The following MIPOL1 variants were observed in gnomAD, a reference collection of about 807,000 sequenced individuals.
The protein encoded by MIPOL1 is mirror-image polydactyly gene 1 protein.
Under a neutral mutation model 60.9 loss-of-function variants are expected in MIPOL1, and 57 were observed. That is an observed-to-expected ratio of 0.94 (90% CI 0.76 to 1.17). The LOEUF (loss-of-function observed/expected upper bound fraction) is 1.17. MIPOL1 is among the 50% of genes most tolerant of loss of function. MIPOL1 has a pLI of 0.00. For missense variants in MIPOL1, 551 were observed against 511.6 expected, an observed-to-expected ratio of 1.08 and a Z score of -0.74; for synonymous variants, 179 against 168.8, an observed-to-expected ratio of 1.06 and a Z score of -0.47.
chr14:37,200,228 A>G (rs1010695815), intron 1 of MIPOL1, among the ~76,000 whole-genome samples: 22 of 152,254 alleles, frequency 1.4e-4, no homozygotes, highest in African/African-American at 5.1e-4. Flanking sequence ...TTTAGGTTGT[A>G]CAGGCTGTAC....
intron 3 of MIPOL1, among the ~76,000 whole-genome samples, chr14:37,248,772 A>G (rs1018438262): frequency 6.6e-6 from 1 of 152,186 alleles, no homozygotes; most frequent in Non-Finnish European, 1.5e-5. Context: ...ATATGCAGAC[A>G]GAGGAGAAAG....
intron 11 of MIPOL1, among the ~76,000 whole-genome samples, chr14:37,461,193 G>A (rs1033692020): frequency 6.6e-6 from 1 of 152,128 alleles, no homozygotes; most frequent in Non-Finnish European, 1.5e-5. Flanking sequence ...CTGAGACTGG[G>A]CAATTTACAA....
intron 10 of MIPOL1, among the ~76,000 whole-genome samples, chr14:37,404,990 TCTC>T (rs949622071): frequency 6.6e-6 from 1 of 152,192 alleles, no homozygotes; most frequent in African/African-American, 2.4e-5. Flanking sequence ...CTTTTTTCTC[TCTC>T]CTCACTTTTT....
At chr14:37,500,186 C>G in intron 12 of MIPOL1, 48 bp downstream of exon 12, 1 of 1,235,600 alleles carries the variant, frequency 8.1e-7, no homozygotes, top group Non-Finnish European at 1.1e-6. Flanking sequence ...TGAAACAAAA[C>G]AAAACACTTT....
chr14:37,448,723 G>T (rs1355394568), intron 11 of MIPOL1, among the ~76,000 whole-genome samples: 1 of 152,020 alleles, frequency 6.6e-6, no homozygotes, highest in Non-Finnish European at 1.5e-5. Context: ...AGAGTGCAAG[G>T]GGAAAGAAAG....
At chr14:37,412,481 A>C (rs2093695518) in intron 10 of MIPOL1, among the ~76,000 whole-genome samples, 1 of 152,172 alleles carries the variant, frequency 6.6e-6, no homozygotes, top group African/African-American at 2.4e-5. Context: ...CTGTACAGCA[A>C]TTATAATTGT....
chr14:37,367,034 A>C (rs1466037004), intron 9 of MIPOL1, among the ~76,000 whole-genome samples: 1 of 152,022 alleles, frequency 6.6e-6, no homozygotes, highest in Non-Finnish European at 1.5e-5. Context: ...CATTTTGACA[A>C]ATGAATTTGG....
chr14:37,453,035 T>G (rs972225331), intron 11 of MIPOL1, among the ~76,000 whole-genome samples: 2 of 152,166 alleles, frequency 1.3e-5, no homozygotes, highest in Non-Finnish European at 2.9e-5. Flanking sequence ...ATGAATGATG[T>G]TAGGATGTGC....
chr14:37,530,276 A>C (rs965802261), intron 12 of MIPOL1, among the ~76,000 whole-genome samples: 2 of 152,320 alleles, frequency 1.3e-5, no homozygotes, highest in Middle Eastern at 3.4e-3. Flanking sequence ...TTATTTCAAT[A>C]CTAAGAACTA....
chr14:37,526,904 G>A (rs1029387256), intron 12 of MIPOL1, among the ~76,000 whole-genome samples: 1 of 152,108 alleles, frequency 6.6e-6, no homozygotes, highest in African/African-American at 2.4e-5. Context: ...ATGTCTAAGA[G>A]AATGCTTATT....
chr14:37,330,158 T>C (rs1366751133), intron 9 of MIPOL1, among the ~76,000 whole-genome samples: 4 of 152,138 alleles, frequency 2.6e-5, no homozygotes, highest in Non-Finnish European at 5.9e-5. Flanking sequence ...AGTAATAAAA[T>C]ATTGTTCTAC....
chr14:37,234,193 C>T (rs993355209), intron 1 of MIPOL1, among the ~76,000 whole-genome samples: 1 of 152,056 alleles, frequency 6.6e-6, no homozygotes, highest in African/African-American at 2.4e-5. Context: ...TCCATTGAGA[C>T]GTCTGTGGTG....
At chr14:37,275,694 G>T (rs2083603013) in intron 6 of MIPOL1, among the ~76,000 whole-genome samples, 2 of 150,784 alleles carry the variant, frequency 1.3e-5, no homozygotes, top group South Asian at 2.1e-4. Flanking sequence ...TATTTAAATA[G>T]TGTTTTATAT....
At chr14:37,454,157 T>G (rs181610937) in intron 11 of MIPOL1, among the ~76,000 whole-genome samples, 19 of 152,348 alleles carry the variant, frequency 1.2e-4, no homozygotes, top group Admixed American at 1.0e-3. Context: ...TGCTGATTCA[T>G]GGAGTCGTGT....
At chr14:37,270,629 G>A (rs776085513) in intron 6 of MIPOL1, 104 bp downstream of exon 6, 6 of 482,186 alleles carry the variant, frequency 1.2e-5, no homozygotes, top group Admixed American at 5.0e-5. Context: ...TGCCAAAGGA[G>A]GGGAAGCTCT....
At chr14:37,448,821 T>A (rs2094376366) in intron 11 of MIPOL1, among the ~76,000 whole-genome samples, 1 of 152,194 alleles carries the variant, frequency 6.6e-6, no homozygotes, top group African/African-American at 2.4e-5. Context: ...TCGAAATCAG[T>A]ACTCTGCGGA....
chr14:37,270,889 C>T (rs183012704), intron 6 of MIPOL1, among the ~76,000 whole-genome samples: 79 of 151,960 alleles, frequency 5.2e-4, no homozygotes, highest in Non-Finnish European at 9.6e-4. Context: ...TGTTTTAGCT[C>T]GTTGAGAGGA....
intron 10 of MIPOL1, among the ~76,000 whole-genome samples, chr14:37,391,274 A>AG (rs748702681): frequency 0.019 from 2,935 of 152,260 alleles, 42 homozygotes; most frequent in Non-Finnish European, 0.029. Context: ...AACATAGTAA[A>AG]GGGGTTTCTT....
intron 9 of MIPOL1, among the ~76,000 whole-genome samples, chr14:37,341,585 T>G (rs745697009): frequency 6.6e-6 from 1 of 152,180 alleles, no homozygotes; most frequent in Non-Finnish European, 1.5e-5. Flanking sequence ...TATCTCTGTT[T>G]GTTCAAAGTT....
Sources: gnomAD v4.1 joint callset for allele counts (sites outside exome capture counted in the v4.1 genomes callset) on GRCh38, gnomAD v4.1.1 for gene constraint, MANE v1.5 for transcripts, NCBI Gene and HGNC (gene_info 2026-07-23, HGNC 2026-07-21) for gene names.